Variants in YRDC observed in about 807,000 individuals in gnomAD.
YRDC encodes threonylcarbamoyl-AMP synthase.
YRDC carries 17 observed loss-of-function variants against 21.5 expected under a neutral mutation model. That is an observed-to-expected ratio of 0.79 (90% CI 0.54 to 1.19). The LOEUF (loss-of-function observed/expected upper bound fraction) is 1.19. Ranked by LOEUF, YRDC falls within the 50% of genes most tolerant of loss-of-function variation. The pLI, the probability that YRDC is intolerant of heterozygous loss-of-function variation, is 0.00. For synonymous variants in YRDC, 193 were observed against 176.7 expected, an observed-to-expected ratio of 1.09 and a Z score of -0.73; for missense variants, 380 against 397.1, an observed-to-expected ratio of 0.96 and a Z score of 0.37.
chr1:37,805,196 G>A (rs1350008786), intron 3 of YRDC, among the ~76,000 whole-genome samples: 1 of 152,210 alleles, frequency 6.6e-6, no homozygotes, highest in Non-Finnish European at 1.5e-5. Context: ...GGAGATGGAG[G>A]TTGCAGTGAG....
In YRDC at chr1:37,808,109, A is replaced by G; in HGVS notation, c.72T>C (p.Pro24=). The change falls in exon 1 of 5, where the codon CCT becomes CCC. Residue 24 remains proline, a synonymous_variant. Transcript: ENST00000373044. Reference sequence around the variant, plus strand: ...AGAGGCGACCGCTCCGGGAGCCAGCAGGCCCCTCGCTCAACCCCACGCTGG... The same window carrying G: ...AGAGGCGACCGCTCCGGGAGCCAGCGGGCCCCTCGCTCAACCCCACGCTGG... The part of the protein sequence containing the change: ...VAASVGLSEG[P]AGSRSGRLFR... 1 of 1,442,122 alleles carries G rather than the reference A, an allele frequency of 6.9e-7. No individual in the cohort carries two copies. Among genetic ancestry groups the G allele is most frequent in the Non-Finnish European group, 9.1e-7 (1 of 1,102,400 alleles). 89.3% of individuals were successfully genotyped at this position (1,442,122 alleles called of 1,614,324 possible). A position where few individuals can be genotyped will look rare whatever the true frequency, so the allele number is the denominator to read the frequency against.
In YRDC at chr1:37,808,001, G is replaced by A; in HGVS notation, c.180C>T (p.Ser60=). ...LPGSGAVQAA[S]PERAGWTEAL... ...CCTCGGTCCAGCCGGCGCGCTCCGG[G>A]CTCGCGGCCTGCACGGCCCCGCTCC... The change falls in exon 1 of 5, where the codon AGC becomes AGT. Residue 60 remains serine, a synonymous_variant. Transcript: ENST00000373044. 8.3e-7 allele frequency: 1 copy of A among 1,205,510 alleles called. No individual in the cohort carries two copies. The highest frequency in any genetic ancestry group is 1.0e-6 in the Non-Finnish European group (1 of 971,806). 74.7% of individuals were successfully genotyped at this position (1,205,510 alleles called of 1,614,324 possible). A position where few individuals can be genotyped will look rare whatever the true frequency, so the allele number is the denominator to read the frequency against.
Position 37,807,635 on chromosome 1 carries a change from G to A in YRDC, c.389+157C>T, listed in dbSNP as rs549729737. 8 of 1,298,832 alleles carry A rather than the reference G, an allele frequency of 6.2e-6. No homozygotes were observed. In the African/African-American group the frequency reaches 9.1e-5, roughly 15 times the overall value. The allele number at this position is 1,298,832 out of a possible 1,614,324, so 80.5% of individuals were successfully genotyped here. On this transcript the variant is annotated intron_variant, in intron 1 of 4. Transcript: ENST00000373044. ...CCAGCAGCATGTAGTTCAGGGCCCG[G>A]GGCACGTTAAGTCCTCGGTACATAT...
Position 37,807,975 on chromosome 1 carries a change from G to T in YRDC, c.206C>A (p.Ala69Glu), listed in dbSNP as rs1234160705. The part of the protein sequence containing the change: ...ASPERAGWTE[A>E]LRAAVAELRA... ...CAGCTCGGCCACGGCGGCCCGCAGC[G>T]CCTCGGTCCAGCCGGCGCGCTCCGG... Residue 69 changes from alanine to glutamate, a missense_variant, in exon 1 of 5, where the codon GCG becomes GAG. By Grantham distance (107) the Ala-to-Glu change is moderately radical. This residue lies in a region of YRDC where 51 missense variants were observed against 95.9 expected (regional missense o/e 0.53). Coordinates refer to ENST00000373044, the MANE Select transcript of YRDC (RefSeq NM_024640.4). The T allele has an allele frequency of 1.7e-6, 2 of 1,211,032 alleles. No homozygotes were observed. Among genetic ancestry groups the T allele is most frequent in the African/African-American group, 3.2e-5 (2 of 63,176 alleles). 75.0% of individuals were successfully genotyped at this position (1,211,032 alleles called of 1,614,324 possible). A position where few individuals can be genotyped will look rare whatever the true frequency, so the allele number is the denominator to read the frequency against.
chr1:37,807,352 A>AT, intron 1 of YRDC, 137 bp from the exon 2 acceptor site: 1 of 818,776 alleles, frequency 1.2e-6, no homozygotes, highest in East Asian at 2.7e-5. Flanking sequence ...TCACCTCCCT[A>AT]AGAGCTTGAG....
chr1:37,804,005 G>A lies in YRDC; in HGVS notation c.768-8C>T. 1 of 1,614,174 alleles carries A rather than the reference G, an allele frequency of 6.2e-7. No individual in the cohort carries two copies. Among genetic ancestry groups the A allele is most frequent in the Non-Finnish European group, 8.5e-7 (1 of 1,180,024 alleles). ...GTAGTACTTTCCAGGGCACTGAGGA[G>A]GAAACAGGACAGTTACCAGTCTGAC... On this transcript the variant is annotated splice_region_variant and splice_polypyrimidine_tract_variant and intron_variant, in intron 4 of 4. Coordinates refer to ENST00000373044, the MANE Select transcript of YRDC (RefSeq NM_024640.4).
chr1:37,806,952 G>A lies in YRDC; in HGVS notation c.529C>T (p.His177Tyr). 2 of 1,614,220 alleles carry A rather than the reference G, an allele frequency of 1.2e-6. No homozygotes were observed. The highest frequency in any genetic ancestry group is 1.7e-6 in the Non-Finnish European group (2 of 1,180,042). ...TPLVGIRIPD[H>Y]AFMQDLAQMF... is the part of the protein sequence containing the mutation. The stretch of plus-strand genomic sequence containing the variant: ...TGAGCCAAGTCTTGCATAAAAGCAT[G>A]ATCAGGAATCCGAATGCCTACAAGC... The change falls in exon 3 of 5, where the codon CAT becomes TAT. Residue 177 changes from histidine to tyrosine, a missense_variant. By Grantham distance (83) the His-to-Tyr change is moderately conservative (BLOSUM62 2). Around this residue, in one of 3 missense-constraint regions of YRDC, gnomAD observed 238 missense variants for 236.5 expected, o/e 1.01. Transcript: ENST00000373044.
At position 37,803,957 on chromosome 1, in the gene YRDC, C is replaced by T. The variant is rs763656759; in HGVS notation, c.808G>A (p.Gly270Arg). Residue 270 changes from glycine (G) to arginine (R), a missense_variant, in exon 5 of 5, where the codon GGA becomes AGA. By Grantham distance (125) the Gly-to-Arg change is moderately radical. Coordinates refer to ENST00000373044, the MANE Select transcript of YRDC (RefSeq NM_024640.4). The part of the protein sequence containing the change: ...STTAILQQKY[G>R]LLPSHASYL ...TAGGACGCATGTGAGGGGAGCAGTCCGTACTTCTGTTGGAGGATGGCTGTA... is the reference window on the plus strand; with the variant it reads ...TAGGACGCATGTGAGGGGAGCAGTCTGTACTTCTGTTGGAGGATGGCTGTA... The T allele has an allele frequency of 8.1e-6, 13 of 1,614,106 alleles. No homozygotes were observed. The highest frequency in any genetic ancestry group is 6.7e-5 in the East Asian group (3 of 44,892).
At chr1:37,804,515 T>G in intron 3 of YRDC, 71 bp from the exon 4 acceptor site, 1 of 1,536,212 alleles carries the variant, frequency 6.5e-7, no homozygotes, top group Non-Finnish European at 8.8e-7. Flanking sequence ...CTGCACGCAG[T>G]CATCAAAGGC....
rs989345311 is a variant in YRDC at position 37,803,258 on chromosome 1, C to T, written c.*667G>A. The stretch of plus-strand genomic sequence containing the variant: ...AGACTGCTCTCCCTGCGAGCAATTA[C>T]AATACATGACACCACTAGGCCCAAT... On this transcript the variant is annotated 3_prime_UTR_variant, in exon 5 of 5. Transcript: ENST00000373044. 2 of 152,288 alleles carry T rather than the reference C, an allele frequency of 1.3e-5. No individual in the cohort carries two copies. The highest frequency in any genetic ancestry group is 3.8e-4 in the East Asian group (2 of 5,204). The allele number at this position is 152,288 out of a possible 1,614,324, so 9.4% of individuals were successfully genotyped here. A position where few individuals can be genotyped will look rare whatever the true frequency, so the allele number is the denominator to read the frequency against.
chr1:37,803,976 G>A lies in YRDC; in HGVS notation c.789C>T (p.Ala263=), dbSNP rs778683717. The A allele has an allele frequency of 6.2e-7, 1 of 1,614,192 alleles. No individual in the cohort carries two copies. The highest frequency in any genetic ancestry group is 1.1e-5 in the South Asian group (1 of 91,072). The change falls in exon 5 of 5, where the codon GCC becomes GCT. Residue 263 remains alanine (A), a synonymous_variant. Transcript: ENST00000373044. ...GCAGTCCGTACTTCTGTTGGAGGAT[G>A]GCTGTAGTACTTTCCAGGGCACTGA... The part of the protein sequence containing the change: ...RPGCALESTT[A]ILQQKYGLLP...
rs1175614245 is a variant in YRDC, at chr1:37,803,256, T to G, written c.*669A>C. ...AAAGACTGCTCTCCCTGCGAGCAATTACAATACATGACACCACTAGGCCCA... is the reference window on the plus strand; with the variant it reads ...AAAGACTGCTCTCCCTGCGAGCAATGACAATACATGACACCACTAGGCCCA... On this transcript the variant is annotated 3_prime_UTR_variant, in exon 5 of 5. Transcript: ENST00000373044. 1.3e-5 allele frequency: 2 copies of G among 152,264 alleles called. No individual in the cohort carries two copies. The highest frequency in any genetic ancestry group is 4.8e-5 in the African/African-American group (2 of 41,462). The allele number at this position is 152,264 out of a possible 1,614,324, so 9.4% of individuals were successfully genotyped here. A position where few individuals can be genotyped will look rare whatever the true frequency, so the allele number is the denominator to read the frequency against.
At chr1:37,804,584 T>G in intron 3 of YRDC, 140 bp from the exon 4 acceptor site, 1 of 1,153,146 alleles carries the variant, frequency 8.7e-7, no homozygotes, top group Admixed American at 2.9e-5. Context: ...CTTCATTTAG[T>G]TAAGGTCAAC....
intron 1 of YRDC, chr1:37,807,493 G>C (rs760496566): frequency 5.6e-4 from 330 of 585,612 alleles, no homozygotes; most frequent in Non-Finnish European, 8.6e-4. Flanking sequence ...TTTCTTCAAG[G>C]CATTCGCTAT....
At position 37,804,316 on chromosome 1, in the gene YRDC, G is replaced by A. The variant is rs756370687; in HGVS notation, c.753C>T (p.Ile251=). The part of the protein sequence containing the change: ...VDLSVPGKFG[I]IRPGCALEST... ...AAGAGACTTACCAGCCTGGACGAAT[G>A]ATGCCAAACTTTCCGGGCACAGACA... is the stretch of plus-strand genomic sequence containing the variant. Residue 251 remains isoleucine, a synonymous_variant, in exon 4 of 5, where the codon ATC becomes ATT. Transcript: ENST00000373044. 6.2e-7 allele frequency: 1 copy of A among 1,613,572 alleles called. No homozygotes were observed. The highest frequency in any genetic ancestry group is 1.3e-5 in the African/African-American group (1 of 74,908).
At chr1:37,806,719 G>T in intron 3 of YRDC, 138 bp downstream of exon 3, 1 of 1,367,680 alleles carries the variant, frequency 7.3e-7, no homozygotes, top group Non-Finnish European at 9.9e-7. Context: ...CCACCTCCCT[G>T]CCAGCTGGGC....
intron 3 of YRDC, among the ~76,000 whole-genome samples, chr1:37,805,750 A>G (rs1431695456): frequency 6.6e-6 from 1 of 152,158 alleles, no homozygotes; most frequent in Non-Finnish European, 1.5e-5. Flanking sequence ...GCCCCACTCT[A>G]GGTCTGGGAA....
Position 37,807,193 on chromosome 1 carries a change from C to T in YRDC, c.412G>A (p.Glu138Lys), listed in dbSNP as rs148881213. 97 of 1,614,006 alleles carry T rather than the reference C, an allele frequency of 6.0e-5. No homozygotes were observed. Among genetic ancestry groups the T allele is most frequent in the Non-Finnish European group, 7.6e-5 (90 of 1,180,022 alleles). ...GGCAGTAGGTCTTTCAGGAGCCCCT[C>T]AGGTACTCTCACACGGCAGTATCTG... The part of the protein sequence containing the change: ...VYRYCRVRVP[E>K]GLLKDLLPGP... Residue 138 changes from glutamate (E) to lysine (K), a missense_variant, in exon 2 of 5, where the codon GAG becomes AAG. Glu to Lys is a moderately conservative substitution (Grantham distance 56, BLOSUM62 1). Transcript: ENST00000373044.
intron 1 of YRDC, chr1:37,807,513 C>G: frequency 1.7e-6 from 1 of 603,898 alleles, no homozygotes; most frequent in Non-Finnish European, 2.8e-6. Context: ...TTAAATTAAG[C>G]TACTGTGTTT....
Sources: gnomAD v4.1 joint callset for allele counts (sites outside exome capture counted in the v4.1 genomes callset) on GRCh38, gnomAD v4.1.1 for gene constraint, gnomAD v4.1.1 regional missense constraint, MANE v1.5 for transcripts, NCBI Gene and HGNC (gene_info 2026-07-23, HGNC 2026-07-21) for gene names.